Variants in F5 observed in about 807,000 individuals in gnomAD.
F5 encodes the protein coagulation factor V, also known as activated protein c cofactor.
A neutral mutation model predicts 216.4 loss-of-function variants in F5; 138 were observed. The observed-to-expected ratio is 0.64, with a 90% CI of 0.56 to 0.73. F5 has a LOEUF of 0.73. Ranked by LOEUF, F5 falls within the 30% of genes least tolerant of loss-of-function variation. The pLI, the probability that F5 is intolerant of heterozygous loss-of-function variation, is 0.00. For missense variants in F5, 2,403 were observed against 2,674.0 expected (o/e 0.90, Z 2.24); for synonymous variants, 916 against 930.7 (o/e 0.98, Z 0.29).
chr1:169,517,007 T>C (rs1659174492), intron 23 of F5, among the ~76,000 whole-genome samples: 1 of 152,158 alleles, frequency 6.6e-6, no homozygotes, highest in Non-Finnish European at 1.5e-5. Flanking sequence ...TAAAGAGTCA[T>C]CTGAAAAAGA....
intron 3 of F5, among the ~76,000 whole-genome samples, chr1:169,561,346 A>T (rs954478498): frequency 2.6e-5 from 4 of 152,040 alleles, no homozygotes; most frequent in Admixed American, 2.0e-4. Flanking sequence ...ATGAATATGA[A>T]ATGTGTCCAT....
chr1:169,526,110 C>G, intron 17 of F5, 93 bp from the exon 18 acceptor site: 1 of 855,490 alleles, frequency 1.2e-6, no homozygotes. Context: ...TCCTGCTTCA[C>G]AAGAGGCTTT....
intron 14 of F5, among the ~76,000 whole-genome samples, chr1:169,532,553 G>A (rs1483065516): frequency 6.6e-6 from 1 of 152,136 alleles, no homozygotes; most frequent in Admixed American, 6.6e-5. Context: ...ATGTACAAAT[G>A]TACAAAATAG....
At chr1:169,560,122 T>C (rs779608377) in intron 4 of F5, among the ~76,000 whole-genome samples, 1 of 152,190 alleles carries the variant, frequency 6.6e-6, no homozygotes, top group Non-Finnish European at 1.5e-5. Context: ...GAAAGGAAGC[T>C]GGCATTTCAC....
chr1:169,514,665 A>G (rs1317153101), intron 24 of F5, among the ~76,000 whole-genome samples: 1 of 152,084 alleles, frequency 6.6e-6, no homozygotes, highest in African/African-American at 2.4e-5. Context: ...ATGAGCCATC[A>G]TGCCCAACCC....
chr1:169,529,597 G>A lies in F5; in HGVS notation c.5419+11C>T, dbSNP rs6008. 0.047 allele frequency: 76,159 copies of A among 1,610,446 alleles called. 11,808 individuals carry two copies. In the East Asian group the frequency reaches 0.62, roughly 13 times the overall value. On this transcript the variant is annotated intron_variant, in intron 16 of 24. Transcript: ENST00000367797. ...TAATTAGGAGATTAGATCAAAGTCTGAGGAAAATACCGTGAAACTCATGGG... is the reference window on the plus strand; with the variant it reads ...TAATTAGGAGATTAGATCAAAGTCTAAGGAAAATACCGTGAAACTCATGGG...
chr1:169,570,258 A>C (rs931346770), intron 3 of F5, among the ~76,000 whole-genome samples: 1 of 152,126 alleles, frequency 6.6e-6, no homozygotes, highest in Non-Finnish European at 1.5e-5. Context: ...TAGTGTTGCA[A>C]GGTTCATTCA....
Position 169,547,066 on chromosome 1 carries a change from C to A in F5, c.1612-474G>T, listed in dbSNP as rs901671811. 2.6e-5 allele frequency among the ~76,000 whole-genome samples: 4 copies of A among 151,866 alleles called. No individual in the cohort carries two copies. In the South Asian group the frequency reaches 8.3e-4, roughly 31 times the overall value. ...CCAGCTACTCGGGAGGCCGAGGGGCCGAGGCAGGAGAATCACCTGAACATG... is the reference window on the plus strand; with the variant it reads ...CCAGCTACTCGGGAGGCCGAGGGGCAGAGGCAGGAGAATCACCTGAACATG... On this transcript the variant is annotated intron_variant, in intron 10 of 24. Coordinates refer to ENST00000367797, the MANE Select transcript of F5 (RefSeq NM_000130.5).
At chr1:169,514,996 T>C (rs927261972) in intron 24 of F5, among the ~76,000 whole-genome samples, 2 of 152,272 alleles carry the variant, frequency 1.3e-5, no homozygotes, top group Non-Finnish European at 2.9e-5. Context: ...TATTTAAAAA[T>C]GTATGTCAAC....
At chr1:169,558,973 T>C (rs1201234966) in intron 5 of F5, among the ~76,000 whole-genome samples, 180 bp downstream of exon 5, 1 of 151,598 alleles carries the variant, frequency 6.6e-6, no homozygotes, top group Non-Finnish European at 1.5e-5. Context: ...ATTTCTTCTC[T>C]AGCTTCTAAT....
chr1:169,541,594 A>C lies in F5; in HGVS notation c.3496T>G (p.Phe1166Val). The C allele has an allele frequency of 6.2e-7, 1 of 1,614,156 alleles. No homozygotes were observed. Among genetic ancestry groups the C allele is most frequent in the Non-Finnish European group, 8.5e-7 (1 of 1,180,004 alleles). The stretch of plus-strand genomic sequence containing the variant: ...GACATTTGACTTATATCTGTGGGGA[A>C]GGACTTGTGACTTCGGTCATACTCA... ...MLEYDRSHKS[F>V]PTDISQMSPS... The change falls in exon 13 of 25, where the codon TTC becomes GTC. Residue 1166 changes from phenylalanine (F) to valine (V), a missense_variant. This residue lies in a region of F5 where 1,425 missense variants were observed against 1,554.8 expected (regional missense o/e 0.92). Coordinates refer to ENST00000367797, the MANE Select transcript of F5 (RefSeq NM_000130.5).
At chr1:169,559,027 T>C (rs1261279935) in intron 5 of F5, 126 bp downstream of exon 5, 1 of 975,126 alleles carries the variant, frequency 1.0e-6, no homozygotes, top group Non-Finnish European at 1.6e-6. Context: ...GAGAAAATAT[T>C]TCCTTCTTGA....
At chr1:169,561,283 T>C (rs1260101821) in intron 3 of F5, among the ~76,000 whole-genome samples, 1 of 93,624 alleles carries the variant, frequency 1.1e-5, no homozygotes, top group Non-Finnish European at 1.9e-5. Flanking sequence ...ATTATCTCAA[T>C]TTTTTCCCCC....
At chr1:169,544,865 T>G (rs1244249835) in intron 11 of F5, among the ~76,000 whole-genome samples, 1 of 152,250 alleles carries the variant, frequency 6.6e-6, no homozygotes, top group Non-Finnish European at 1.5e-5. Flanking sequence ...GAAATTCATC[T>G]TTTTGATATA....
chr1:169,532,331 C>G (rs72708039), intron 14 of F5, among the ~76,000 whole-genome samples: 2 of 151,976 alleles, frequency 1.3e-5, no homozygotes, highest in Non-Finnish European at 2.9e-5. Context: ...CAACATAGTA[C>G]TGGAAATTCT....
At chr1:169,519,913 C>A (rs1313084313) in intron 22 of F5, among the ~76,000 whole-genome samples, 1 of 152,140 alleles carries the variant, frequency 6.6e-6, no homozygotes, top group Non-Finnish European at 1.5e-5. Flanking sequence ...AACATCCTTG[C>A]TATATATAGT....
intron 2 of F5, among the ~76,000 whole-genome samples, chr1:169,580,144 A>C (rs1660955633): frequency 6.6e-6 from 1 of 152,128 alleles, no homozygotes; most frequent in African/African-American, 2.4e-5. Flanking sequence ...CTCTTTTTTC[A>C]GCTATCAATC....
Position 169,556,830 on chromosome 1 carries a change from A to G in F5, c.768T>C (p.His256=). ...CTGGCCCCGAGCTCATTCCCAGCAGATGCCAGCTGATGTGGTCATGGGCAC... is the reference window on the plus strand; with the variant it reads ...CTGGCCCCGAGCTCATTCCCAGCAGGTGCCAGCTGATGTGGTCATGGGCAC... ...TVCAHDHISW[H]LLGMSSGPEL... The change falls in exon 6 of 25, where the codon CAT becomes CAC. Residue 256 remains histidine, a synonymous_variant. Transcript: ENST00000367797. The G allele has an allele frequency of 6.2e-7, 1 of 1,614,100 alleles. No individual in the cohort carries two copies. Among genetic ancestry groups the G allele is most frequent in the Non-Finnish European group, 8.5e-7 (1 of 1,180,004 alleles).
intron 23 of F5, among the ~76,000 whole-genome samples, chr1:169,518,210 T>A (rs879336495): frequency 3.3e-5 from 5 of 152,140 alleles, no homozygotes; most frequent in Non-Finnish European, 7.4e-5. Context: ...ACCACAGAGA[T>A]GATAAATGAC....
Sources: allele counts gnomAD v4.1 joint callset (sites outside exome capture counted in the v4.1 genomes callset), GRCh38; gene constraint gnomAD v4.1.1; regional missense constraint gnomAD v4.1.1; transcripts MANE v1.5; gene names NCBI Gene and HGNC (gene_info 2026-07-23, HGNC 2026-07-21).